DECR1: variants seen among roughly 807,000 people sequenced by gnomAD.
DECR1 encodes 2,4-dienoyl-CoA reductase 1.
In DECR1, 44 loss-of-function variants were observed where a neutral mutation model predicts 38.8. The observed-to-expected ratio is 1.13, with a 90% CI of 0.89 to 1.46. The LOEUF (loss-of-function observed/expected upper bound fraction) is 1.46, where lower values mean the gene tolerates loss of function less well. Among genes scored for constraint, DECR1 ranks in the 40% most tolerant of loss-of-function variants. The pLI is 0.00. For synonymous variants in DECR1, 148 were observed against 135.2 expected, an observed-to-expected ratio of 1.09 and a Z score of -0.66; for missense variants, 428 against 405.5, an observed-to-expected ratio of 1.06 and a Z score of -0.48.
chr8:90,049,558 C>T (rs970550402), intron 8 of DECR1, among the ~76,000 whole-genome samples: 1 of 152,160 alleles, frequency 6.6e-6, no homozygotes, highest in Admixed American at 6.5e-5. Flanking sequence ...ACATTCCATG[C>T]TCATGGATAG....
chr8:90,036,587 C>T (rs1329338664), intron 5 of DECR1, among the ~76,000 whole-genome samples: 1 of 152,170 alleles, frequency 6.6e-6, no homozygotes, highest in Non-Finnish European at 1.5e-5. Flanking sequence ...GAGATTTGGG[C>T]TTTCGTATTG....
Position 90,052,085 on chromosome 8 carries a change from A to C in DECR1, c.*188A>C, listed in dbSNP as rs1814112919. On this transcript the variant is annotated 3_prime_UTR_variant, in exon 10 of 10. Transcript: ENST00000220764. ...TAAATAAAATGAAATATAGTCCTTCAAAACATTAAAAAAAAAAAAAGGAGG... is the reference window on the plus strand; with the variant it reads ...TAAATAAAATGAAATATAGTCCTTCCAAACATTAAAAAAAAAAAAAGGAGG... 5.6e-6 allele frequency: 3 copies of C among 537,416 alleles called. No homozygotes were observed. The highest frequency in any genetic ancestry group is 3.6e-5 in the Admixed American group (1 of 27,636). 33.3% of individuals were successfully genotyped at this position (537,416 alleles called of 1,614,324 possible).
At chr8:90,006,103 C>T (rs958768053) in intron 1 of DECR1, 1 of 663,518 alleles carries the variant, frequency 1.5e-6, no homozygotes, top group African/African-American at 1.8e-5. Context: ...CCATTAGACC[C>T]CACCTCCAAC....
At chr8:90,005,182 A>G in intron 1 of DECR1, 1 of 371,122 alleles carries the variant, frequency 2.7e-6, no homozygotes, top group South Asian at 2.0e-5. Context: ...TTGGTGAAGT[A>G]TGGGAACAGA....
chr8:90,038,271 G>T (rs1206939154), intron 6 of DECR1, among the ~76,000 whole-genome samples: 2 of 151,930 alleles, frequency 1.3e-5, no homozygotes, highest in African/African-American at 2.4e-5. Flanking sequence ...TATTGTTGTT[G>T]GAATTTTGCT....
intron 1 of DECR1, among the ~76,000 whole-genome samples, chr8:90,009,348 G>A (rs1314114147): frequency 2.6e-5 from 4 of 151,990 alleles, no homozygotes; most frequent in Non-Finnish European, 5.9e-5. Flanking sequence ...CTTTGCTGAT[G>A]ACTCTATTTA....
intron 4 of DECR1, among the ~76,000 whole-genome samples, chr8:90,020,072 G>T (rs746951234): frequency 2.6e-5 from 4 of 152,156 alleles, no homozygotes; most frequent in Non-Finnish European, 4.4e-5. Context: ...CTCCTTTTAA[G>T]ACCTGAAATA....
intron 5 of DECR1, among the ~76,000 whole-genome samples, chr8:90,023,553 A>T (rs1563632820): frequency 2.0e-5 from 3 of 152,138 alleles, no homozygotes; most frequent in South Asian, 2.1e-4. Context: ...GTAAAAACTT[A>T]GATTCTGCTG....
At position 90,039,500 on chromosome 8, in the gene DECR1, T is replaced by G. The variant is rs1813697082; in HGVS notation, c.665+2560T>G. On this transcript the variant is annotated intron_variant, in intron 6 of 9. Transcript: ENST00000220764. ...GGGGAAAACTGTCTTCAGGATTCAG[T>G]TATGTCTACCTGGTCCCACCCTTGA... Among the ~76,000 whole-genome samples, 3 of 152,286 alleles carry G rather than the reference T, an allele frequency of 2.0e-5. No homozygotes were observed. The South Asian group carries it at 6.2e-4, about 32-fold the overall frequency.
intron 8 of DECR1, among the ~76,000 whole-genome samples, chr8:90,046,678 T>C (rs1813913152): frequency 1.3e-5 from 2 of 152,058 alleles, no homozygotes; most frequent in Non-Finnish European, 2.9e-5. Flanking sequence ...ATTCAGGAAA[T>C]ACAGAGAAGG....
intron 2 of DECR1, 144 bp downstream of exon 2, chr8:90,017,470 A>G (rs2130046175): frequency 3.8e-6 from 2 of 519,962 alleles, no homozygotes; most frequent in Admixed American, 4.0e-5. Context: ...AGATTATTTA[A>G]ATACATCTTT....
chr8:90,039,698 T>G (rs952960577), intron 6 of DECR1, among the ~76,000 whole-genome samples: 4 of 152,186 alleles, frequency 2.6e-5, no homozygotes, highest in Non-Finnish European at 4.4e-5. Context: ...AGAGAAGCCT[T>G]CCTTGTCACT....
At chr8:90,031,876 C>T (rs948227199) in intron 5 of DECR1, among the ~76,000 whole-genome samples, 1 of 151,814 alleles carries the variant, frequency 6.6e-6, no homozygotes. Flanking sequence ...CTTTATCCTT[C>T]GGTGATAGGT....
At chr8:90,037,985 T>A (rs1470273735) in intron 6 of DECR1, among the ~76,000 whole-genome samples, 1 of 152,208 alleles carries the variant, frequency 6.6e-6, no homozygotes, top group Non-Finnish European at 1.5e-5. Context: ...CCTGTCACTC[T>A]TTGGAATAAA....
intron 5 of DECR1, among the ~76,000 whole-genome samples, chr8:90,032,481 G>T (rs944787389): frequency 6.6e-6 from 1 of 152,036 alleles, no homozygotes; most frequent in African/African-American, 2.4e-5. Context: ...TCCCAGAAAG[G>T]CCCCTCTCTT....
intron 1 of DECR1, among the ~76,000 whole-genome samples, chr8:90,012,071 G>A (rs527521030): frequency 2.0e-5 from 3 of 151,778 alleles, no homozygotes; most frequent in African/African-American, 7.3e-5. Context: ...TTTGTGTGGA[G>A]TACCTTTCTA....
intron 8 of DECR1, among the ~76,000 whole-genome samples, chr8:90,047,508 A>G (rs1007650799): frequency 3.3e-5 from 5 of 152,234 alleles, no homozygotes; most frequent in African/African-American, 7.2e-5. Context: ...TTTGCACCCA[A>G]TACAGGAGCA....
Position 90,017,197 on chromosome 8 carries a change from A to G in DECR1, c.143A>G (p.Gln48Arg), listed in dbSNP as rs773864750. ...ALQSKFFSPL[Q>R]KAMLPPNSFQ... Reference sequence around the variant, plus strand: ...CAATCTAAATTCTTTTCACCTCTTCAAAAAGCGATGCTACCACCTAATAGT... The same window carrying G: ...CAATCTAAATTCTTTTCACCTCTTCGAAAAGCGATGCTACCACCTAATAGT... Residue 48 changes from glutamine (Q) to arginine (R), a missense_variant, in exon 2 of 10, where the codon CAA becomes CGA. Transcript: ENST00000220764. The G allele has an allele frequency of 1.2e-6, 2 of 1,614,132 alleles. No individual in the cohort carries two copies. Among genetic ancestry groups the G allele is most frequent in the Non-Finnish European group, 1.7e-6 (2 of 1,179,992 alleles).
At chr8:90,036,570 T>C (rs1586159158) in intron 5 of DECR1, among the ~76,000 whole-genome samples, 1 of 152,314 alleles carries the variant, frequency 6.6e-6, no homozygotes, top group East Asian at 1.9e-4. Context: ...AATAGGGGCA[T>C]GCCTCTGAGA....
Sources: gnomAD v4.1 joint callset for allele counts (sites outside exome capture counted in the v4.1 genomes callset) on GRCh38, gnomAD v4.1.1 for gene constraint, MANE v1.5 for transcripts, NCBI Gene and HGNC (gene_info 2026-07-23, HGNC 2026-07-21) for gene names.